DNAH5: variants seen among roughly 807,000 people sequenced by gnomAD.
DNAH5 encodes the protein dynein axonemal heavy chain 5.
Under a neutral mutation model 518.2 loss-of-function variants are expected in DNAH5, and 372 were observed. The ratio of observed to expected loss-of-function variants is 0.72; its 90% CI spans 0.66 to 0.78. The LOEUF (loss-of-function observed/expected upper bound fraction) is 0.78. Ranked by LOEUF, DNAH5 falls within the 30% of genes least tolerant of loss-of-function variation. The pLI, the probability that DNAH5 is intolerant of heterozygous loss-of-function variation, is 0.00. For synonymous variants in DNAH5, 2,039 were observed against 2,025.9 expected (o/e 1.01, Z -0.17); for missense variants, 5,523 against 5,687.0 (o/e 0.97, Z 0.93).
intron 1 of DNAH5, among the ~76,000 whole-genome samples, chr5:13,978,471 C>T (rs770228562): frequency 6.6e-5 from 10 of 152,128 alleles, no homozygotes; most frequent in South Asian, 2.1e-4. Context: ...ATCTGCTCTC[C>T]GTAGTCTCCA....
intron 68 of DNAH5, among the ~76,000 whole-genome samples, chr5:13,730,705 A>ATT (rs925844207): frequency 8.1e-5 from 10 of 123,474 alleles, no homozygotes; most frequent in African/African-American, 2.1e-4. Flanking sequence ...AAGTGCTGTT[A>ATT]TTTTTTTTTT....
intron 46 of DNAH5, 139 bp downstream of exon 46, chr5:13,808,903 TGA>T: frequency 1.1e-6 from 1 of 933,190 alleles, no homozygotes; most frequent in East Asian, 3.0e-5. Flanking sequence ...GAGCCTGCAG[TGA>T]GCCGAGATCG....
At chr5:13,754,605 C>T (rs1750722379) in intron 61 of DNAH5, among the ~76,000 whole-genome samples, 1 of 152,086 alleles carries the variant, frequency 6.6e-6, no homozygotes, top group African/African-American at 2.4e-5. Context: ...ATGGCATGAC[C>T]TTAGCTCACT....
upstream of DNAH5, among the ~76,000 whole-genome samples, chr5:13,946,347 C>A (rs569512158): frequency 2.6e-5 from 4 of 152,124 alleles, no homozygotes; most frequent in Non-Finnish European, 5.9e-5. Context: ...AACCGGGAAG[C>A]CTTCCAGTCT....
intron 31 of DNAH5, among the ~76,000 whole-genome samples, chr5:13,849,674 T>C (rs1766543975): frequency 6.6e-6 from 1 of 152,226 alleles, no homozygotes; most frequent in South Asian, 2.1e-4. Flanking sequence ...CCTTTGACCT[T>C]AACTTTCTCA....
intron 47 of DNAH5, among the ~76,000 whole-genome samples, chr5:13,807,366 T>C (rs866240220): frequency 1.3e-5 from 2 of 152,246 alleles, no homozygotes; most frequent in East Asian, 1.9e-4. Flanking sequence ...TTGAGGCCTA[T>C]AGCACCTTAT....
In DNAH5 at chr5:13,744,480, GA is replaced by G. The variant is rs532736721; in HGVS notation, c.11211+6597del. ...TTATATAATTTCAAATAGTTCGAAG[GA>G]GAATATTGAATGTTCCCAACATACA... On this transcript the variant is annotated intron_variant, in intron 65 of 78. Coordinates refer to ENST00000265104, the MANE Select transcript of DNAH5 (RefSeq NM_001369.3). Among the ~76,000 whole-genome samples, 349 of 152,042 alleles carry G rather than the reference GA, an allele frequency of 2.3e-3. 1 individual carries two copies. The highest frequency in any genetic ancestry group is 8.1e-3 in the African/African-American group (338 of 41,494).
Position 13,921,092 on chromosome 5 carries a change from A to T in DNAH5, c.661-475T>A, listed in dbSNP as rs556808694. ...TTAACGTATAATAATAATAAAATTA[A>T]AAAAAATTTTCAACATGTAGAATGC... On this transcript the variant is annotated intron_variant, in intron 5 of 78. Transcript: ENST00000265104. Among the ~76,000 whole-genome samples the T allele has an allele frequency of 7.9e-5, 12 of 152,274 alleles. No homozygotes were observed. The East Asian group carries it at 1.5e-3, about 20-fold the overall frequency.
In DNAH5 at chr5:13,736,177, C is replaced by T. The variant is rs1050273388; in HGVS notation, c.11456-245G>A. Among the ~76,000 whole-genome samples, 5 of 152,186 alleles carry T rather than the reference C, an allele frequency of 3.3e-5. No individual in the cohort carries two copies. The South Asian group carries it at 6.2e-4, about 19-fold the overall frequency. ...CTCATTTTAGAATCTCTAGACCCCT[C>T]GCAACAATATTTTACTATTTTTACT... On this transcript the variant is annotated intron_variant, in intron 66 of 78. Coordinates refer to ENST00000265104, the MANE Select transcript of DNAH5 (RefSeq NM_001369.3).
intron 1 of DNAH5, among the ~76,000 whole-genome samples, chr5:13,953,748 C>G (rs1403554235): frequency 6.6e-6 from 1 of 152,164 alleles, no homozygotes; most frequent in African/African-American, 2.4e-5. Flanking sequence ...TGCTCTGTCA[C>G]CCAGGCTAGA....
intron 1 of DNAH5, among the ~76,000 whole-genome samples, chr5:13,988,246 T>C (rs541149441): frequency 6.6e-6 from 1 of 152,298 alleles, no homozygotes; most frequent in South Asian, 2.1e-4. Context: ...GTTGTTTAAG[T>C]TGCCCATCAC....
chr5:13,755,796 A>C (rs1677593693), intron 61 of DNAH5, among the ~76,000 whole-genome samples: 1 of 152,162 alleles, frequency 6.6e-6, no homozygotes, highest in Non-Finnish European at 1.5e-5. Context: ...TTTGTAACAT[A>C]CTTTTAATAT....
At chr5:13,824,749 G>A (rs1762676125) in intron 38 of DNAH5, among the ~76,000 whole-genome samples, 1 of 152,120 alleles carries the variant, frequency 6.6e-6, no homozygotes, top group African/African-American at 2.4e-5. Flanking sequence ...AGAGATATAT[G>A]TGCCTTTTTC....
intron 53 of DNAH5, among the ~76,000 whole-genome samples, chr5:13,779,214 C>T (rs1200346082): frequency 6.6e-6 from 1 of 152,120 alleles, no homozygotes; most frequent in African/African-American, 2.4e-5. Flanking sequence ...GTGCAGGTTG[C>T]CTTTTATGTA....
rs113373702 is a variant in DNAH5, at chr5:13,861,907, C to T, written c.4796+641G>A. Among the ~76,000 whole-genome samples, 504 of 130,024 alleles carry T rather than the reference C, an allele frequency of 3.9e-3. 4 individuals carry two copies. The highest frequency in any genetic ancestry group is 0.014 in the African/African-American group (483 of 35,152). 85.3% of individuals were successfully genotyped at this position (130,024 alleles called of 152,430 possible). ...GGCTGAGGTTTCAGTGAGCTGAGAT[C>T]ACGCCATTGCACTCCAGCCTGGGTG... is the stretch of plus-strand genomic sequence containing the variant. On this transcript the variant is annotated intron_variant, in intron 29 of 78. Transcript: ENST00000265104.
chr5:14,000,342 G>T (rs1256028335), intron 1 of DNAH5, among the ~76,000 whole-genome samples: 1 of 152,230 alleles, frequency 6.6e-6, no homozygotes, highest in African/African-American at 2.4e-5. Context: ...AAAGCCTTCG[G>T]AGTGAGCACG....
intron 73 of DNAH5, 80 bp downstream of exon 73, chr5:13,717,235 G>T: frequency 7.6e-7 from 1 of 1,309,282 alleles, no homozygotes; most frequent in Non-Finnish European, 1.1e-6. Context: ...TATAATTTAC[G>T]CCAAAGCTAG....
chr5:13,903,358 A>G (rs534017883), intron 12 of DNAH5, among the ~76,000 whole-genome samples: 1 of 152,222 alleles, frequency 6.6e-6, no homozygotes, highest in South Asian at 2.1e-4. Context: ...TAGAAAAATA[A>G]GGTGTAACAT....
intron 1 of DNAH5, among the ~76,000 whole-genome samples, chr5:13,942,511 C>A (rs1779554634): frequency 6.6e-6 from 1 of 152,190 alleles, no homozygotes; most frequent in Non-Finnish European, 1.5e-5. Context: ...CTAGGCCCAT[C>A]TGTACACTTC....
Sources: allele counts gnomAD v4.1 joint callset (sites outside exome capture counted in the v4.1 genomes callset), GRCh38; gene constraint gnomAD v4.1.1; transcripts MANE v1.5; gene names NCBI Gene and HGNC (gene_info 2026-07-23, HGNC 2026-07-21).